The following AP1M1 variants were observed in gnomAD, a reference collection of about 807,000 sequenced individuals.
The protein encoded by AP1M1 is AP-1 complex subunit mu-1.
In AP1M1, 18 loss-of-function variants were observed where a neutral mutation model predicts 57.1. The ratio of observed to expected loss-of-function variants is 0.32; its 90% confidence interval spans 0.22 to 0.47. The LOEUF is 0.47. Among genes scored for constraint, AP1M1 ranks in the 20% least tolerant of loss-of-function variants. The probability of loss-of-function intolerance (pLI) is 1.00; values close to 1 mark genes in which losing one functional copy is unlikely to be tolerated. For synonymous variants in AP1M1, 241 were observed against 237.9 expected, an observed-to-expected ratio of 1.01 and a Z score of -0.12; for missense variants, 362 against 593.5, an observed-to-expected ratio of 0.61 and a Z score of 4.05.
intron 5 of AP1M1, among the ~76,000 whole-genome samples, chr19:16,212,289 G>GCTGAATCCCTGAA (rs1255760570): frequency 6.6e-6 from 1 of 152,084 alleles, no homozygotes; most frequent in Non-Finnish European, 1.5e-5. Flanking sequence ...CTCATTATTG[G>GCTGAATCCCTGAA]TCTGTTCAGG....
intron 5 of AP1M1, among the ~76,000 whole-genome samples, chr19:16,216,712 T>G (rs1322223979): frequency 6.6e-6 from 1 of 152,230 alleles, no homozygotes; most frequent in African/African-American, 2.4e-5. Context: ...AAGGCTCAGC[T>G]TAGGACTCCT....
At chr19:16,231,493 T>C (rs1051411581) in intron 9 of AP1M1, among the ~76,000 whole-genome samples, 2 of 151,946 alleles carry the variant, frequency 1.3e-5, no homozygotes, top group Non-Finnish European at 2.9e-5. Context: ...TGCAGAGGCA[T>C]GATCTCGGCT....
Position 16,197,996 on chromosome 19 carries a change from T to TCGGCCGCTGCCGCCGCCACCGCCCC in AP1M1, c.-19_-18insCCGCCACCGCCCCCGGCCGCTGCCG. 6.4e-7 allele frequency: 1 copy of TCGGCCGCTGCCGCCGCCACCGCCCC among 1,558,728 alleles called. No homozygotes were observed. The highest frequency in any genetic ancestry group is 8.6e-7 in the Non-Finnish European group (1 of 1,156,746). ...ACCGTCGCTGCCGCCGCCACCGCCCTCGGCCGCTGCCGAGGCCTCCTGCAG... is the reference window on the plus strand; with the variant it reads ...ACCGTCGCTGCCGCCGCCACCGCCCTCGGCCGCTGCCGCCGCCACCGCCCCCGGCCGCTGCCGAGGCCTCCTGCAG... On this transcript the variant is annotated 5_prime_UTR_variant, in exon 1 of 12. Coordinates refer to ENST00000291439, the MANE Select transcript of AP1M1 (RefSeq NM_032493.4).
Position 16,243,832 on chromosome 19 carries a change from A to G in AP1M1, c.*9397A>G, listed in dbSNP as rs553857672. 14 of 152,134 alleles carry G rather than the reference A, an allele frequency of 9.2e-5. No individual in the cohort carries two copies. Among genetic ancestry groups the G allele is most frequent in the African/African-American group, 3.1e-4 (13 of 41,516 alleles). 9.4% of individuals were successfully genotyped at this position (152,134 alleles called of 1,614,324 possible). ...TGGCACACGCCTGTAAATCCCAGCTACTCAGGAGGCTGAGGCCCAAGAATG... is the reference window on the plus strand; with the variant it reads ...TGGCACACGCCTGTAAATCCCAGCTGCTCAGGAGGCTGAGGCCCAAGAATG... On this transcript the variant is annotated 3_prime_UTR_variant, in exon 12 of 12. Transcript: ENST00000291439.
rs757539145 is a variant in AP1M1 at position 16,207,989 on chromosome 19, C to T, written c.268-30C>T. ...TCCGTCCGCTCAATGATCTGCCTCC[C>T]ATTCCTCCCTCCCTCCCCAACCGCC... is the stretch of plus-strand genomic sequence containing the variant. On this transcript the variant is annotated intron_variant, in intron 3 of 11. Transcript: ENST00000291439. The surrounding 1 kb of genome is among the most constrained non-coding windows in gnomAD (Gnocchi z 4.2). The T allele has an allele frequency of 1.7e-5, 27 of 1,598,016 alleles. 1 individual carries two copies. The South Asian group carries it at 2.9e-4, about 17-fold the overall frequency.
rs761123188 is a variant in AP1M1, at chr19:16,236,556, G to C, written c.*2121G>C. On this transcript the variant is annotated 3_prime_UTR_variant, in exon 12 of 12. Transcript: ENST00000291439. Reference sequence around the variant, plus strand: ...GAAATGCAGTGGAGATGACTCCTGCGTGAAGCTGGGATCCTCGAGGGTCAT... The same window carrying C: ...GAAATGCAGTGGAGATGACTCCTGCCTGAAGCTGGGATCCTCGAGGGTCAT... 1 of 152,188 alleles carries C rather than the reference G, an allele frequency of 6.6e-6. No individual in the cohort carries two copies. Among genetic ancestry groups the C allele is most frequent in the Non-Finnish European group, 1.5e-5 (1 of 68,054 alleles). 9.4% of individuals were successfully genotyped at this position (152,188 alleles called of 1,614,324 possible). A position where few individuals can be genotyped will look rare whatever the true frequency, so the allele number is the denominator to read the frequency against.
Position 16,209,023 on chromosome 19 carries a change from C to T in AP1M1, c.399-7C>T. ...ACCTCCTTCACTCTGAGCGTGTGGC[C>T]CCACAGGTACATCACTCAGGAAGGC... On this transcript the variant is annotated splice_polypyrimidine_tract_variant and splice_region_variant and intron_variant, in intron 4 of 11. Coordinates refer to ENST00000291439, the MANE Select transcript of AP1M1 (RefSeq NM_032493.4). 1 of 1,612,574 alleles carries T rather than the reference C, an allele frequency of 6.2e-7. No homozygotes were observed. The highest frequency in any genetic ancestry group is 8.5e-7 in the Non-Finnish European group (1 of 1,179,010).
chr19:16,234,078 G>A, intron 10 of AP1M1, 121 bp from the exon 11 acceptor site: 2 of 944,270 alleles, frequency 2.1e-6, no homozygotes, highest in Admixed American at 2.7e-5. Flanking sequence ...CCTGAGGCCT[G>A]TGCTCATCCT....
At chr19:16,221,187 G>A (rs1425051054) in intron 5 of AP1M1, among the ~76,000 whole-genome samples, 2 of 152,174 alleles carry the variant, frequency 1.3e-5, no homozygotes, top group African/African-American at 2.4e-5. Flanking sequence ...GAGTGCAATG[G>A]CACAATCTTG....
In AP1M1 at chr19:16,203,314, G is replaced by T; in HGVS notation, c.43-145G>T. On this transcript the variant is annotated intron_variant, in intron 1 of 11. Coordinates refer to ENST00000291439, the MANE Select transcript of AP1M1 (RefSeq NM_032493.4). The surrounding 1 kb of genome is among the most constrained non-coding windows in gnomAD (Gnocchi z 4.6). ...TCCCTGGGGGATGGAGATCAGAACG[G>T]CCTCAAGTCCTGCTCTTTTGCGGAT... 6.6e-6 allele frequency: 5 copies of T among 762,326 alleles called. No individual in the cohort carries two copies. The highest frequency in any genetic ancestry group is 1.1e-5 in the Non-Finnish European group (5 of 463,186). The allele number at this position is 762,326 out of a possible 1,614,324, so 47.2% of individuals were successfully genotyped here. A position where few individuals can be genotyped will look rare whatever the true frequency, so the allele number is the denominator to read the frequency against.
rs1018886721 is a variant in AP1M1 at position 16,227,893 on chromosome 19, C to T, written c.816+203C>T. Among the ~76,000 whole-genome samples the T allele has an allele frequency of 2.2e-4, 33 of 152,192 alleles. No individual in the cohort carries two copies. Among genetic ancestry groups the T allele is most frequent in the Admixed American group, 7.9e-4 (12 of 15,286 alleles). ...CCTTTGGCCACCACCACCCCTTTCC[C>T]AGGCAGCCCCCAGAGCAGGCCCTGG... On this transcript the variant is annotated intron_variant, in intron 7 of 11. Transcript: ENST00000291439. The surrounding 1 kb of genome is among the most constrained non-coding windows in gnomAD (Gnocchi z 6.2).
intron 5 of AP1M1, among the ~76,000 whole-genome samples, chr19:16,220,373 G>A (rs1269925868): frequency 5.9e-5 from 9 of 151,868 alleles, no homozygotes; most frequent in African/African-American, 1.2e-4. Context: ...CACCATGCCC[G>A]GCTTTTGGGG....
Position 16,206,563 on chromosome 19 carries a change from T to G in AP1M1, c.267+155T>G. Reference sequence around the variant, plus strand: ...GGAAGTGGGAAAGGGGAGTCCCAACTCCCCACGCCTGTGGAATTCTATAGC... The same window carrying G: ...GGAAGTGGGAAAGGGGAGTCCCAACGCCCCACGCCTGTGGAATTCTATAGC... On this transcript the variant is annotated intron_variant, in intron 3 of 11. Coordinates refer to ENST00000291439, the MANE Select transcript of AP1M1 (RefSeq NM_032493.4). The surrounding 1 kb of genome is among the most constrained non-coding windows in gnomAD (Gnocchi z 4.3). 4 of 700,880 alleles carry G rather than the reference T, an allele frequency of 5.7e-6. No individual in the cohort carries two copies. Among genetic ancestry groups the G allele is most frequent in the Non-Finnish European group, 4.9e-6 (2 of 410,998 alleles). The allele number at this position is 700,880 out of a possible 1,614,324, so 43.4% of individuals were successfully genotyped here.
chr19:16,197,993 C>CCCTCGGCCGCTGCCGCCGCCACCG lies in AP1M1; in HGVS notation c.-19_-18insCCGCCACCGCCTCGGCCGCTGCCG. On this transcript the variant is annotated 5_prime_UTR_variant, in exon 1 of 12. Transcript: ENST00000291439. Reference sequence around the variant, plus strand: ...CCCACCGTCGCTGCCGCCGCCACCGCCCTCGGCCGCTGCCGAGGCCTCCTG... The same window carrying CCCTCGGCCGCTGCCGCCGCCACCG: ...CCCACCGTCGCTGCCGCCGCCACCGCCCTCGGCCGCTGCCGCCGCCACCGCCTCGGCCGCTGCCGAGGCCTCCTG... 1 of 1,553,540 alleles carries CCCTCGGCCGCTGCCGCCGCCACCG rather than the reference C, an allele frequency of 6.4e-7. No homozygotes were observed. Among genetic ancestry groups the CCCTCGGCCGCTGCCGCCGCCACCG allele is most frequent in the Non-Finnish European group, 8.7e-7 (1 of 1,153,068 alleles).
chr19:16,244,430 A>C lies in AP1M1; in HGVS notation c.*9995A>C, dbSNP rs1254056066. 1.3e-5 allele frequency: 2 copies of C among 152,240 alleles called. No homozygotes were observed. Among genetic ancestry groups the C allele is most frequent in the Non-Finnish European group, 2.9e-5 (2 of 68,042 alleles). 9.4% of individuals were successfully genotyped at this position (152,240 alleles called of 1,614,324 possible). ...ATAAAAGCAAAGAAGTAGAAAATAC[A>C]TGAGAAAATCTAGACAAAGATTGCA... On this transcript the variant is annotated 3_prime_UTR_variant, in exon 12 of 12. Transcript: ENST00000291439.
In AP1M1 at chr19:16,206,712, G is replaced by T. The variant is rs1395629390; in HGVS notation, c.267+304G>T. On this transcript the variant is annotated intron_variant, in intron 3 of 11. Coordinates refer to ENST00000291439, the MANE Select transcript of AP1M1 (RefSeq NM_032493.4). The surrounding 1 kb of genome is among the most constrained non-coding windows in gnomAD (Gnocchi z 4.3). ...TCAGCGAGCTTTGGAAGGATGTGGGGTGACCAGCTGGATGGGGCTGGAATA... is the reference window on the plus strand; with the variant it reads ...TCAGCGAGCTTTGGAAGGATGTGGGTTGACCAGCTGGATGGGGCTGGAATA... Among the ~76,000 whole-genome samples, 2 of 152,216 alleles carry T rather than the reference G, an allele frequency of 1.3e-5. No homozygotes were observed. The highest frequency in any genetic ancestry group is 4.8e-5 in the African/African-American group (2 of 41,464).
At chr19:16,211,982 T>A (rs2091496350) in intron 5 of AP1M1, among the ~76,000 whole-genome samples, 2 of 152,236 alleles carry the variant, frequency 1.3e-5, no homozygotes, top group African/African-American at 4.8e-5. Flanking sequence ...CTTTTTGATG[T>A]ACTGCTGGAT....
intron 2 of AP1M1, among the ~76,000 whole-genome samples, chr19:16,205,667 G>A (rs2091466525): frequency 1.3e-5 from 2 of 152,174 alleles, no homozygotes; most frequent in South Asian, 4.1e-4. Flanking sequence ...GGCGGCCCGG[G>A]GACCCATTAG....
chr19:16,209,053 A>G lies in AP1M1; in HGVS notation c.422A>G (p.Lys141Arg). ...AGGTACATCACTCAGGAAGGCCACA[A>G]GCTGGAAACAGGGGCCCCGCGGCCA... ...LQEYITQEGH[K>R]LETGAPRPPA... The change falls in exon 5 of 12, where the codon AAG becomes AGG. Residue 141 changes from lysine to arginine, a missense_variant. By Grantham distance (26) the Lys-to-Arg change is conservative (BLOSUM62 2). Around this residue, in one of 2 missense-constraint regions of AP1M1, gnomAD observed 337 missense variants for 511.1 expected, o/e 0.66. Coordinates refer to ENST00000291439, the MANE Select transcript of AP1M1 (RefSeq NM_032493.4). 1.2e-6 allele frequency: 2 copies of G among 1,614,136 alleles called. No homozygotes were observed. Among genetic ancestry groups the G allele is most frequent in the East Asian group, 2.2e-5 (1 of 44,886 alleles).
Sources: gnomAD v4.1 joint callset for allele counts (sites outside exome capture counted in the v4.1 genomes callset) on GRCh38, gnomAD v4.1.1 for gene constraint, gnomAD v4.1.1 regional missense constraint, Gnocchi (gnomAD v3.1) non-coding constraint, MANE v1.5 for transcripts, NCBI Gene and HGNC (gene_info 2026-07-23, HGNC 2026-07-21) for gene names.